The following MAST2 variants were observed in gnomAD, a reference collection of about 807,000 sequenced individuals.
The protein encoded by MAST2 is microtubule associated serine/threonine kinase 2.
In MAST2, 70 loss-of-function variants were observed where a neutral mutation model predicts 147.4. The observed-to-expected ratio is 0.47, with a 90% CI of 0.39 to 0.58. The LOEUF is 0.58. Among genes scored for constraint, MAST2 ranks in the 20% least tolerant of loss-of-function variants. MAST2 has a pLI of 0.00. For synonymous variants in MAST2, 869 were observed against 896.8 expected (o/e 0.97, Z 0.55); for missense variants, 2,080 against 2,302.3 (o/e 0.90, Z 1.98).
chr1:46,019,103 T>C (rs550493280), intron 10 of MAST2, among the ~76,000 whole-genome samples: 2 of 152,312 alleles, frequency 1.3e-5, no homozygotes, highest in Admixed American at 6.5e-5. Flanking sequence ...CCTATGCCTT[T>C]TTCATCTGAA....
At chr1:45,863,943 A>C (rs1471872214) in intron 3 of MAST2, among the ~76,000 whole-genome samples, 6 of 152,238 alleles carry the variant, frequency 3.9e-5, no homozygotes, top group African/African-American at 1.4e-4. Context: ...GTGACTTGTT[A>C]GAAAGATCAG....
rs189430351 is a variant in MAST2, at chr1:45,989,023, G to T, written c.593-8701G>T. 7.4e-4 allele frequency among the ~76,000 whole-genome samples: 112 copies of T among 152,082 alleles called. 2 individuals are homozygous for T. The highest frequency in any genetic ancestry group is 2.6e-3 in the African/African-American group (109 of 41,484). On this transcript the variant is annotated intron_variant, in intron 5 of 28. Transcript: ENST00000361297. ...TTCTAGGAATGCTTGTTTCTACTGG[G>T]GTGTCCTTTTTCTAGTCCCTCTTAG...
intron 4 of MAST2, among the ~76,000 whole-genome samples, chr1:45,955,892 A>AT (rs1659587526): frequency 6.6e-6 from 1 of 152,162 alleles, no homozygotes; most frequent in East Asian, 1.9e-4. Flanking sequence ...ACATTTTAAA[A>AT]TTTTTGTATA....
chr1:45,906,234 C>T (rs1262443140), intron 4 of MAST2, among the ~76,000 whole-genome samples: 1 of 152,098 alleles, frequency 6.6e-6, no homozygotes, highest in Non-Finnish European at 1.5e-5. Context: ...TTTTGGTCAA[C>T]AACAGACTGC....
At position 46,035,463 on chromosome 1, in the gene MAST2, A is replaced by C. The variant is rs537657296; in HGVS notation, c.4794A>C (p.Ala1598=). 1.2e-6 allele frequency: 2 copies of C among 1,613,272 alleles called. No individual in the cohort carries two copies. Among genetic ancestry groups the C allele is most frequent in the South Asian group, 2.2e-5 (2 of 91,066 alleles). The part of the protein sequence containing the change: ...AIEEAASSSS[A]GPNLGQSGAT... Reference sequence around the variant, plus strand: ...AGGAGGCTGCCAGCTCCTCCTCAGCAGGCCCCAACCTAGGTCAGTCTGGAG... The same window carrying C: ...AGGAGGCTGCCAGCTCCTCCTCAGCCGGCCCCAACCTAGGTCAGTCTGGAG... The change falls in exon 29 of 29, where the codon GCA becomes GCC. Residue 1598 remains alanine (A), a synonymous_variant. Transcript: ENST00000361297. This position sits in a 1 kb window ranked among gnomAD's most constrained non-coding sequence, Gnocchi z 5.5.
intron 3 of MAST2, among the ~76,000 whole-genome samples, chr1:45,852,042 C>T (rs1303867973): frequency 6.6e-6 from 1 of 152,040 alleles, no homozygotes; most frequent in Non-Finnish European, 1.5e-5. Context: ...CTTCACCCAG[C>T]TTTCACCAAT....
intron 4 of MAST2, among the ~76,000 whole-genome samples, chr1:45,951,966 A>G (rs1164917237): frequency 6.6e-6 from 1 of 152,248 alleles, no homozygotes; most frequent in Non-Finnish European, 1.5e-5. Flanking sequence ...AATAAATAAA[A>G]ATAAATCCCC....
At chr1:46,027,342 G>GT (rs970005494) in intron 16 of MAST2, among the ~76,000 whole-genome samples, 19 of 152,212 alleles carry the variant, frequency 1.2e-4, no homozygotes, top group Admixed American at 1.0e-3. Context: ...TGAAACAGGA[G>GT]TATTATGGGC....
chr1:45,938,393 G>A (rs566123573), intron 4 of MAST2, among the ~76,000 whole-genome samples: 1 of 152,236 alleles, frequency 6.6e-6, no homozygotes, highest in South Asian at 2.1e-4. Flanking sequence ...GTGTGATCAT[G>A]GCTCATTGCA....
intron 5 of MAST2, among the ~76,000 whole-genome samples, chr1:45,968,446 T>C (rs1377877516): frequency 6.7e-6 from 1 of 150,276 alleles, no homozygotes; most frequent in African/African-American, 2.4e-5. Context: ...TTTCACAGGG[T>C]ACAGAATTTT....
intron 3 of MAST2, among the ~76,000 whole-genome samples, chr1:45,843,723 AG>A (rs1645345130): frequency 6.6e-6 from 1 of 152,236 alleles, no homozygotes; most frequent in Non-Finnish European, 1.5e-5. Flanking sequence ...CATTCACTTG[AG>A]AATTGCTGTC....
chr1:45,930,568 G>A lies in MAST2; in HGVS notation c.501-28818G>A, dbSNP rs1431846184. 4.6e-5 allele frequency among the ~76,000 whole-genome samples: 7 copies of A among 152,074 alleles called. No homozygotes were observed. The South Asian group carries it at 1.4e-3, about 31-fold the overall frequency. On this transcript the variant is annotated intron_variant, in intron 4 of 28. Coordinates refer to ENST00000361297, the MANE Select transcript of MAST2 (RefSeq NM_015112.3). ...GCCCACATAGGCAATAGAACACTTC[G>A]CAGCACGGGGTAGAGTAAAAGGGAT...
At chr1:45,858,938 C>A (rs11211207) in intron 3 of MAST2, among the ~76,000 whole-genome samples, 119,739 of 151,390 alleles carry the variant, frequency 0.79, 47,758 homozygotes, top group East Asian at 0.98. Flanking sequence ...GGTATTATTT[C>A]TGAGGGCTCT....
At chr1:45,943,670 C>T (rs576868975) in intron 4 of MAST2, among the ~76,000 whole-genome samples, 2 of 152,192 alleles carry the variant, frequency 1.3e-5, no homozygotes, top group Admixed American at 6.5e-5. Context: ...CGCTTGAACC[C>T]GGGAGGCAGA....
At position 45,842,874 on chromosome 1, in the gene MAST2, G is replaced by GCTTA. The variant is rs141208920; in HGVS notation, c.468+13295_468+13298dup. Among the ~76,000 whole-genome samples, 1,413 of 152,242 alleles carry GCTTA rather than the reference G, an allele frequency of 9.3e-3. 17 individuals are homozygous for GCTTA. The highest frequency in any genetic ancestry group is 0.029 in the African/African-American group (1,203 of 41,544). ...AATAACCAAACTGTTTTCTGTAATA[G>GCTTA]CTTACCATTTTACAGTTCCACTAGC... On this transcript the variant is annotated intron_variant, in intron 3 of 28. Transcript: ENST00000361297.
rs1344468018 is a variant in MAST2, at chr1:46,023,085, A to G, written c.1485+114A>G. On this transcript the variant is annotated intron_variant, in intron 13 of 28. Transcript: ENST00000361297. This position sits in a 1 kb window ranked among gnomAD's most constrained non-coding sequence, Gnocchi z 4.9. ...AAGGGATGGGGGAGTTGGTGACAGCAAACACTGAGAAGTCATTCTACTCCC... is the reference window on the plus strand; with the variant it reads ...AAGGGATGGGGGAGTTGGTGACAGCGAACACTGAGAAGTCATTCTACTCCC... 1.2e-5 allele frequency: 14 copies of G among 1,211,958 alleles called. No individual in the cohort carries two copies. The highest frequency in any genetic ancestry group is 1.7e-5 in the Non-Finnish European group (14 of 821,562). The allele number at this position is 1,211,958 out of a possible 1,614,324, so 75.1% of individuals were successfully genotyped here.
At chr1:46,027,993 CAT>C (rs1462199721) in intron 17 of MAST2, 130 bp downstream of exon 17, 82 of 1,021,672 alleles carry the variant, frequency 8.0e-5, no homozygotes, top group East Asian at 1.7e-4. Flanking sequence ...GCCTGGGCAA[CAT>C]AGTGAGACCC....
At chr1:45,837,719 G>A (rs60439203) in intron 3 of MAST2, among the ~76,000 whole-genome samples, 5,071 of 152,196 alleles carry the variant, frequency 0.033, 301 homozygotes, top group African/African-American at 0.12. Context: ...TTCTAAAGTG[G>A]CTATACCATT....
chr1:45,871,809 T>C (rs1646403602), intron 3 of MAST2, among the ~76,000 whole-genome samples: 2 of 151,866 alleles, frequency 1.3e-5, no homozygotes, highest in Non-Finnish European at 3.0e-5. Context: ...AGCAGTGTTA[T>C]TTATGTTAGT....
Sources: allele counts gnomAD v4.1 joint callset (sites outside exome capture counted in the v4.1 genomes callset), GRCh38; gene constraint gnomAD v4.1.1; non-coding constraint Gnocchi (gnomAD v3.1); transcripts MANE v1.5; gene names NCBI Gene and HGNC (gene_info 2026-07-23, HGNC 2026-07-21).